The following FRMD5 variants were observed in gnomAD, a reference collection of about 807,000 sequenced individuals.
FRMD5 encodes FERM domain-containing protein 5.
FRMD5 carries 20 observed loss-of-function variants against 69.0 expected under a neutral mutation model. The observed-to-expected ratio is 0.29, with a 90% CI of 0.20 to 0.42. The LOEUF (loss-of-function observed/expected upper bound fraction) is 0.42. Among genes scored for constraint, FRMD5 ranks in the 10% least tolerant of loss-of-function variants. The probability of loss-of-function intolerance (pLI) is 1.00; values close to 1 mark genes in which losing one functional copy is unlikely to be tolerated. For synonymous variants in FRMD5, 271 were observed against 260.1 expected, an observed-to-expected ratio of 1.04 and a Z score of -0.40; for missense variants, 595 against 708.6, an observed-to-expected ratio of 0.84 and a Z score of 1.82.
chr15:44,053,556 G>A (rs1892752691), intron 1 of FRMD5, among the ~76,000 whole-genome samples: 1 of 152,068 alleles, frequency 6.6e-6, no homozygotes, highest in Admixed American at 6.6e-5. Flanking sequence ...GAGTTATGTA[G>A]GAAGCAAAAT....
intron 7 of FRMD5, among the ~76,000 whole-genome samples, chr15:43,896,142 T>C (rs2088906206): frequency 6.6e-6 from 1 of 152,160 alleles, no homozygotes; most frequent in Non-Finnish European, 1.5e-5. Context: ...AGGGTCCTGA[T>C]AGCTATGCCG....
intron 1 of FRMD5, among the ~76,000 whole-genome samples, chr15:44,184,898 C>A (rs993417325): frequency 6.6e-6 from 1 of 152,106 alleles, no homozygotes; most frequent in Non-Finnish European, 1.5e-5. Context: ...TCATTTGCAG[C>A]AAGATAGTAT....
chr15:43,959,753 A>G (rs1036110403), intron 1 of FRMD5, among the ~76,000 whole-genome samples: 1 of 151,794 alleles, frequency 6.6e-6, no homozygotes, highest in Non-Finnish European at 1.5e-5. Flanking sequence ...GACATCTGAG[A>G]TTTTTTTTTC....
chr15:43,888,369 G>C (rs2088714227), intron 9 of FRMD5, 103 bp from the exon 10 acceptor site: 1 of 761,116 alleles, frequency 1.3e-6, no homozygotes, highest in Non-Finnish European at 2.2e-6. Context: ...CCTGGCAGCT[G>C]GCTAGTTAGA....
chr15:43,907,045 T>G (rs1205957641), intron 5 of FRMD5, among the ~76,000 whole-genome samples: 1 of 152,126 alleles, frequency 6.6e-6, no homozygotes, highest in African/African-American at 2.4e-5. Flanking sequence ...CCCACGGTAC[T>G]TTCCACACCC....
intron 1 of FRMD5, among the ~76,000 whole-genome samples, chr15:44,179,607 A>C (rs1018123364): frequency 3.3e-5 from 5 of 152,214 alleles, no homozygotes; most frequent in African/African-American, 1.2e-4. Flanking sequence ...TTTAAAAGGA[A>C]CATCTGTATT....
intron 1 of FRMD5, among the ~76,000 whole-genome samples, chr15:44,086,744 T>C (rs764529373): frequency 6.6e-6 from 1 of 152,192 alleles, no homozygotes; most frequent in Non-Finnish European, 1.5e-5. Context: ...AAGGTGAATA[T>C]TGGCCTACTG....
intron 1 of FRMD5, among the ~76,000 whole-genome samples, chr15:44,099,366 T>G (rs921236452): frequency 2.0e-5 from 3 of 152,172 alleles, no homozygotes; most frequent in African/African-American, 7.2e-5. Context: ...TGCTGCTGCT[T>G]CTGCTGATCC....
chr15:43,962,050 G>T (rs1426491916), intron 1 of FRMD5, among the ~76,000 whole-genome samples: 1 of 152,138 alleles, frequency 6.6e-6, no homozygotes, highest in Non-Finnish European at 1.5e-5. Flanking sequence ...GGAAGTTCTG[G>T]CCAGGGCAAT....
intron 11 of FRMD5, among the ~76,000 whole-genome samples, chr15:43,885,262 T>G (rs901646408): frequency 3.9e-5 from 6 of 151,920 alleles, no homozygotes; most frequent in Admixed American, 6.5e-5. Flanking sequence ...AGCCTCGACC[T>G]CCTGAGCTTA....
chr15:43,944,816 T>C (rs986895558), intron 1 of FRMD5, among the ~76,000 whole-genome samples: 4 of 152,202 alleles, frequency 2.6e-5, no homozygotes, highest in African/African-American at 9.6e-5. Flanking sequence ...GCAGGATTTA[T>C]GCACAGAATT....
At chr15:43,975,110 A>G (rs929044666) in intron 1 of FRMD5, among the ~76,000 whole-genome samples, 1 of 152,252 alleles carries the variant, frequency 6.6e-6, no homozygotes, top group African/African-American at 2.4e-5. Context: ...TAGCAAAAAG[A>G]TAAACTAGGC....
chr15:44,058,629 A>C (rs1444571790), intron 1 of FRMD5, among the ~76,000 whole-genome samples: 2 of 152,096 alleles, frequency 1.3e-5, no homozygotes, highest in African/African-American at 2.4e-5. Flanking sequence ...TACTAAAAAT[A>C]CAAAAAATTA....
At chr15:43,951,395 C>G (rs1284232181) in intron 1 of FRMD5, among the ~76,000 whole-genome samples, 7 of 147,954 alleles carry the variant, frequency 4.7e-5, no homozygotes, top group Admixed American at 2.7e-4. Flanking sequence ...GCACTCCAGC[C>G]TGGGCCACAG....
intron 1 of FRMD5, among the ~76,000 whole-genome samples, chr15:44,093,630 T>G (rs1241890428): frequency 6.6e-6 from 1 of 151,422 alleles, no homozygotes; most frequent in Non-Finnish European, 1.5e-5. Context: ...TGGAGTGCAG[T>G]GGCGCCGTCT....
At chr15:44,061,476 C>G (rs1159086025) in intron 1 of FRMD5, among the ~76,000 whole-genome samples, 1 of 152,198 alleles carries the variant, frequency 6.6e-6, no homozygotes, top group Non-Finnish European at 1.5e-5. Flanking sequence ...GGCCAGTGGT[C>G]TCTCACTATT....
chr15:44,052,206 T>C (rs187670811), intron 1 of FRMD5, among the ~76,000 whole-genome samples: 22 of 152,354 alleles, frequency 1.4e-4, no homozygotes. Flanking sequence ...TATGGACTTA[T>C]GTATATTGGT....
intron 1 of FRMD5, among the ~76,000 whole-genome samples, chr15:44,032,248 C>G: frequency 6.6e-6 from 1 of 152,070 alleles, no homozygotes; most frequent in Non-Finnish European, 1.5e-5. Context: ...CTATGAAAAC[C>G]CTGGAAGACA....
At chr15:43,875,467 AC>A (rs2088316313) in intron 13 of FRMD5, among the ~76,000 whole-genome samples, 1 of 149,318 alleles carries the variant, frequency 6.7e-6, no homozygotes, top group Non-Finnish European at 1.5e-5. Context: ...CTTTTTGCTT[AC>A]GGTTTTGGCC....
Sources: gnomAD v4.1 joint callset for allele counts (sites outside exome capture counted in the v4.1 genomes callset) on GRCh38, gnomAD v4.1.1 for gene constraint, MANE v1.5 for transcripts, NCBI Gene and HGNC (gene_info 2026-07-23, HGNC 2026-07-21) for gene names.